The following DAPL1 variants were observed in gnomAD, a reference collection of about 807,000 sequenced individuals.
DAPL1 encodes death-associated protein-like 1.
DAPL1 carries 17 observed loss-of-function variants against 12.9 expected under a neutral mutation model. The ratio of observed to expected loss-of-function variants is 1.32; its 90% CI spans 0.90 to 1.98. DAPL1 has a LOEUF of 1.98. Ranked by LOEUF, DAPL1 falls within the 30% of genes most tolerant of loss-of-function variation. The probability of loss-of-function intolerance (pLI) is 0.00; values close to 1 mark genes in which losing one functional copy is unlikely to be tolerated. For synonymous variants in DAPL1, 51 were observed against 42.0 expected (o/e 1.21, Z -0.82); for missense variants, 157 against 125.7 (o/e 1.25, Z -1.19).
chr2:158,814,389 G>A (rs1049314793), intron 3 of DAPL1, among the ~76,000 whole-genome samples: 20 of 152,124 alleles, frequency 1.3e-4, no homozygotes, highest in Admixed American at 2.6e-4. Flanking sequence ...TGTTGGCAGA[G>A]ATAATCCTTG....
In DAPL1 at chr2:158,808,205, A is replaced by G. The variant is rs377444758; in HGVS notation, c.207+1090A>G. ...AGGAAGACTTGCTGTTGCAGCCAAAATCAGATGCCTGAGGACCACCAGCTC... is the reference window on the plus strand; with the variant it reads ...AGGAAGACTTGCTGTTGCAGCCAAAGTCAGATGCCTGAGGACCACCAGCTC... On this transcript the variant is annotated intron_variant, in intron 3 of 3. Coordinates refer to ENST00000309950, the MANE Select transcript of DAPL1 (RefSeq NM_001017920.3). 2.6e-5 allele frequency among the ~76,000 whole-genome samples: 4 copies of G among 152,314 alleles called. No individual in the cohort carries two copies. In the East Asian group the frequency reaches 5.8e-4, roughly 22 times the overall value.
At chr2:158,808,967 G>A (rs1402831797) in intron 3 of DAPL1, among the ~76,000 whole-genome samples, 10 of 152,068 alleles carry the variant, frequency 6.6e-5, no homozygotes, top group Admixed American at 6.6e-4. Context: ...TATTTCAAAG[G>A]TAAAAAGAAT....
At chr2:158,805,494 GC>G (rs202128700) in intron 2 of DAPL1, among the ~76,000 whole-genome samples, 2,422 of 123,098 alleles carry the variant, frequency 0.02, 270 homozygotes, top group Non-Finnish European at 0.032. Flanking sequence ...CGATTGAATT[GC>G]AAGCTGATTA....
chr2:158,797,153 A>G (rs2059139198), intron 1 of DAPL1, among the ~76,000 whole-genome samples: 1 of 152,190 alleles, frequency 6.6e-6, no homozygotes, highest in African/African-American at 2.4e-5. Context: ...GGAGGGTGGG[A>G]CATACATAGC....
At chr2:158,804,396 A>T (rs150525475) in intron 2 of DAPL1, 27 bp downstream of exon 2, 95 of 1,543,646 alleles carry the variant, frequency 6.2e-5, no homozygotes, top group Non-Finnish European at 8.2e-5. Flanking sequence ...TTTCTCCATC[A>T]CCTTGAGGAG....
In DAPL1 at chr2:158,804,358, C is replaced by A. The variant is rs17810398; in HGVS notation, c.135C>A (p.Phe45Leu). 1.9e-6 allele frequency: 3 copies of A among 1,608,322 alleles called. No homozygotes were observed. Among genetic ancestry groups the A allele is most frequent in the Non-Finnish European group, 2.5e-6 (3 of 1,176,698 alleles). Residue 45 changes from phenylalanine to leucine, a missense_variant, in exon 2 of 4, where the codon TTC becomes TTA. By Grantham distance (22) the Phe-to-Leu change is conservative (BLOSUM62 0). Coordinates refer to ENST00000309950, the MANE Select transcript of DAPL1 (RefSeq NM_001017920.3). ...AAAGACATACCAAAAAAACAGGATT[C>A]GAGAAAACAAGGTAGGGACTCTTAA... ...TLERHTKKTG[F>L]EKTSAIANVA...
chr2:158,804,565 C>T (rs2271663), intron 2 of DAPL1, among the ~76,000 whole-genome samples, 196 bp downstream of exon 2: 76,045 of 151,894 alleles, frequency 0.5, 19,596 homozygotes, highest in East Asian at 0.84. Context: ...CTGGAGGGAT[C>T]CCTCTGAGAG....
chr2:158,811,315 C>T (rs562594227), intron 3 of DAPL1, among the ~76,000 whole-genome samples: 9 of 152,218 alleles, frequency 5.9e-5, no homozygotes, highest in East Asian at 3.9e-4. Flanking sequence ...ATTTCATTGA[C>T]GAGAGCTGAA....
intron 1 of DAPL1, among the ~76,000 whole-genome samples, chr2:158,803,067 T>G (rs1339524011): frequency 1.3e-5 from 2 of 152,162 alleles, no homozygotes; most frequent in Non-Finnish European, 2.9e-5. Flanking sequence ...TGTGATTAAG[T>G]GAAGAAAATA....
At chr2:158,801,869 A>C (rs2059169652) in intron 1 of DAPL1, among the ~76,000 whole-genome samples, 1 of 152,234 alleles carries the variant, frequency 6.6e-6, no homozygotes, top group Non-Finnish European at 1.5e-5. Context: ...TTTGCAATGT[A>C]TCTCATGGAA....
chr2:158,795,675 C>T (rs2105145870), intron 1 of DAPL1, among the ~76,000 whole-genome samples: 1 of 152,302 alleles, frequency 6.6e-6, no homozygotes, highest in Non-Finnish European at 1.5e-5. Context: ...GGATTTGGGG[C>T]TTGTGGAAAG....
At chr2:158,804,787 T>C (rs1351692444) in intron 2 of DAPL1, among the ~76,000 whole-genome samples, 2 of 152,238 alleles carry the variant, frequency 1.3e-5, no homozygotes, top group Admixed American at 1.3e-4. Context: ...AAAATAAATG[T>C]CTTTTTTGTT....
In DAPL1 at chr2:158,815,618, G is replaced by A. The variant is rs117638604; in HGVS notation, c.208-87G>A. ...ATAAACAAAATTGTGAGATTCCCTT[G>A]ATCAACGATATCACTTTCTACTAGT... On this transcript the variant is annotated intron_variant, in intron 3 of 3. Transcript: ENST00000309950. The A allele has an allele frequency of 6.9e-4, 582 of 838,186 alleles. 3 individuals carry two copies. The East Asian group carries it at 0.011, about 15-fold the overall frequency. 51.9% of individuals were successfully genotyped at this position (838,186 alleles called of 1,614,324 possible).
chr2:158,802,650 C>G (rs2059174524), intron 1 of DAPL1, among the ~76,000 whole-genome samples: 1 of 152,200 alleles, frequency 6.6e-6, no homozygotes, highest in South Asian at 2.1e-4. Context: ...TTAGTCTTTA[C>G]ATAGACAAGA....
intron 1 of DAPL1, 121 bp from the exon 2 acceptor site, chr2:158,804,161 C>T (rs1021079839): frequency 1.0e-5 from 7 of 671,288 alleles, no homozygotes; most frequent in South Asian, 6.8e-5. Flanking sequence ...TTTATACAAA[C>T]GTTTAGATCT....
chr2:158,806,499 A>G (rs1372173539), intron 2 of DAPL1, among the ~76,000 whole-genome samples: 3 of 152,090 alleles, frequency 2.0e-5, no homozygotes, highest in African/African-American at 7.2e-5. Flanking sequence ...TGCTTATAGC[A>G]TGTGCATGTT....
chr2:158,814,281 T>C (rs377026501), intron 3 of DAPL1, among the ~76,000 whole-genome samples: 1 of 152,158 alleles, frequency 6.6e-6, no homozygotes, highest in Non-Finnish European at 1.5e-5. Context: ...TGATGATAAC[T>C]GACCTGACAA....
At chr2:158,809,514 T>C (rs868863244) in intron 3 of DAPL1, among the ~76,000 whole-genome samples, 1 of 151,940 alleles carries the variant, frequency 6.6e-6, no homozygotes, top group African/African-American at 2.4e-5. Flanking sequence ...GGCTGCCGGG[T>C]TCCTGTGTTG....
At position 158,804,273 on chromosome 2, in the gene DAPL1, T is replaced by C; in HGVS notation, c.59-9T>C. 6.3e-7 allele frequency: 1 copy of C among 1,594,044 alleles called. No homozygotes were observed. The highest frequency in any genetic ancestry group is 8.6e-7 in the Non-Finnish European group (1 of 1,165,910). On this transcript the variant is annotated splice_polypyrimidine_tract_variant and intron_variant, in intron 1 of 3. Transcript: ENST00000309950. ...TCTAACTTCCATGCTGATTTTTATC[T>C]GTTTGTAGTAAAAGCTGGAGGAATG...
Sources: allele counts gnomAD v4.1 joint callset (sites outside exome capture counted in the v4.1 genomes callset), GRCh38; gene constraint gnomAD v4.1.1; transcripts MANE v1.5; gene names NCBI Gene and HGNC (gene_info 2026-07-23, HGNC 2026-07-21).